Variants in RPS6KC1 observed in about 807,000 individuals in gnomAD.
RPS6KC1 encodes the protein inactive ribosomal protein S6 kinase delta-1.
In RPS6KC1, 54 loss-of-function variants were observed where a neutral mutation model predicts 103.8. The observed-to-expected ratio is 0.52, with a 90% CI of 0.42 to 0.65. The LOEUF (loss-of-function observed/expected upper bound fraction) is 0.65, where lower values mean the gene tolerates loss of function less well. RPS6KC1 is among the 30% of genes least tolerant of loss of function. RPS6KC1 has a pLI of 0.00. For missense variants in RPS6KC1, 1,151 were observed against 1,253.8 expected (o/e 0.92, Z 1.24); for synonymous variants, 439 against 438.7 (o/e 1.00, Z -0.01).
At chr1:213,822,094 T>C in the RPS6KC1 span, 1 of 152,198 alleles carries the variant, frequency 6.6e-6, no homozygotes, top group Non-Finnish European at 1.5e-5. Context: ...GATCAGGAAG[T>C]GTCACTGGGT....
At chr1:213,715,701 C>A in the RPS6KC1 span, among the ~76,000 whole-genome samples, 1 of 152,178 alleles carries the variant, frequency 6.6e-6, no homozygotes, top group African/African-American at 2.4e-5. Context: ...AGCCTGGATC[C>A]CAGTAATGCA....
intron 8 of RPS6KC1, among the ~76,000 whole-genome samples, chr1:213,220,546 G>C (rs944512434): frequency 6.6e-6 from 1 of 152,058 alleles, no homozygotes; most frequent in Non-Finnish European, 1.5e-5. Flanking sequence ...GGCTGGTCTC[G>C]AACTCCTGGC....
the RPS6KC1 span, among the ~76,000 whole-genome samples, chr1:213,478,358 T>A: frequency 6.6e-6 from 1 of 152,188 alleles, no homozygotes; most frequent in African/African-American, 2.4e-5. Flanking sequence ...ATTTTTTAAC[T>A]CATTTGGATA....
chr1:213,642,037 A>G, the RPS6KC1 span, among the ~76,000 whole-genome samples: 2 of 151,952 alleles, frequency 1.3e-5, no homozygotes, highest in African/African-American at 4.8e-5. Flanking sequence ...AGAGAAATAT[A>G]AGAATTTACC....
chr1:213,734,024 G>T, the RPS6KC1 span, among the ~76,000 whole-genome samples: 4 of 152,136 alleles, frequency 2.6e-5, no homozygotes, highest in African/African-American at 4.8e-5. Context: ...ATGGAAAAAA[G>T]AACACACAAG....
At chr1:213,416,456 A>G in the RPS6KC1 span, among the ~76,000 whole-genome samples, 348 of 152,350 alleles carry the variant, frequency 2.3e-3, 2 homozygotes, top group Admixed American at 3.5e-3. Context: ...TGGCTTGGCC[A>G]GTAAAGGCAG....
chr1:213,622,969 C>T, the RPS6KC1 span, among the ~76,000 whole-genome samples: 2 of 152,172 alleles, frequency 1.3e-5, no homozygotes, highest in South Asian at 2.1e-4. Context: ...GCAGCTCAGC[C>T]TCACAGAGGA....
chr1:213,586,413 A>G, the RPS6KC1 span, among the ~76,000 whole-genome samples: 6 of 152,232 alleles, frequency 3.9e-5, no homozygotes, highest in Non-Finnish European at 7.3e-5. Flanking sequence ...AAAAACTGTC[A>G]GCAGGTCAGG....
the RPS6KC1 span, among the ~76,000 whole-genome samples, chr1:213,380,039 A>T: frequency 1.3e-5 from 2 of 152,208 alleles, no homozygotes; most frequent in Admixed American, 6.5e-5. Context: ...GTTTATTGCA[A>T]CACTATTCTC....
chr1:213,150,330 T>TTTA (rs2088546811), intron 6 of RPS6KC1, among the ~76,000 whole-genome samples: 1 of 147,166 alleles, frequency 6.8e-6, no homozygotes, highest in Admixed American at 6.8e-5. Context: ...TTATTTATTT[T>TTTA]TTATTGATAA....
At chr1:213,830,441 C>T in the RPS6KC1 span, among the ~76,000 whole-genome samples, 1 of 152,084 alleles carries the variant, frequency 6.6e-6, no homozygotes, top group Admixed American at 6.6e-5. Context: ...GAGCCTGACT[C>T]ACGAGCAGGT....
At chr1:213,342,756 G>T in the RPS6KC1 span, among the ~76,000 whole-genome samples, 1 of 152,112 alleles carries the variant, frequency 6.6e-6, no homozygotes, top group Admixed American at 6.5e-5. Flanking sequence ...ACAATCTCTG[G>T]ATATTTGGGA....
At chr1:213,236,741 T>C (rs1183258857) in intron 10 of RPS6KC1, among the ~76,000 whole-genome samples, 1 of 152,024 alleles carries the variant, frequency 6.6e-6, no homozygotes, top group African/African-American at 2.4e-5. Context: ...CAGTCAAAGA[T>C]GAAAGACCAA....
At chr1:213,621,879 G>A in the RPS6KC1 span, among the ~76,000 whole-genome samples, 1 of 152,064 alleles carries the variant, frequency 6.6e-6, no homozygotes, top group South Asian at 2.1e-4. Context: ...TTTAAGGATG[G>A]TGCAGCAACG....
At chr1:213,297,574 TTAAGTG>T in the RPS6KC1 span, among the ~76,000 whole-genome samples, 1 of 152,144 alleles carries the variant, frequency 6.6e-6, no homozygotes, top group East Asian at 1.9e-4. Context: ...AATAAGTAAT[TTAAGTG>T]TAAGTATACA....
chr1:213,700,285 A>G, the RPS6KC1 span, among the ~76,000 whole-genome samples: 1 of 151,988 alleles, frequency 6.6e-6, no homozygotes, highest in Admixed American at 6.6e-5. Flanking sequence ...CTGTTTTCCC[A>G]GCACCATTTA....
chr1:213,239,547 G>A (rs190056782), intron 10 of RPS6KC1, among the ~76,000 whole-genome samples: 4 of 152,078 alleles, frequency 2.6e-5, no homozygotes, highest in East Asian at 1.9e-4. Context: ...TGATGTTTCC[G>A]TTGACTTTTT....
chr1:213,487,299 G>A, the RPS6KC1 span, among the ~76,000 whole-genome samples: 1 of 152,120 alleles, frequency 6.6e-6, no homozygotes, highest in African/African-American at 2.4e-5. Context: ...GGGGGGCTGA[G>A]GTAGGAAAAT....
chr1:213,332,451 A>G, the RPS6KC1 span, among the ~76,000 whole-genome samples: 38 of 152,244 alleles, frequency 2.5e-4, no homozygotes, highest in African/African-American at 8.9e-4. Context: ...TGCAAAATAA[A>G]AGAAATGCCA....
Sources: allele counts gnomAD v4.1 joint callset (sites outside exome capture counted in the v4.1 genomes callset), GRCh38; gene constraint gnomAD v4.1.1; transcripts MANE v1.5; gene names NCBI Gene and HGNC (gene_info 2026-07-23, HGNC 2026-07-21).